Variants in ITGA9 observed in about 807,000 individuals in gnomAD.
The protein encoded by ITGA9 is integrin alpha-9.
A neutral mutation model predicts 127.8 loss-of-function variants in ITGA9; 56 were observed. That is an observed-to-expected ratio of 0.44 (90% CI 0.35 to 0.55). The LOEUF (loss-of-function observed/expected upper bound fraction) is 0.55, where lower values mean the gene tolerates loss of function less well. ITGA9 is among the 20% of genes least tolerant of loss of function. ITGA9 has a pLI of 0.00. For missense variants in ITGA9, 1,196 were observed against 1,347.1 expected, an observed-to-expected ratio of 0.89 and a Z score of 1.76; for synonymous variants, 508 against 514.5, an observed-to-expected ratio of 0.99 and a Z score of 0.17.
intron 15 of ITGA9, among the ~76,000 whole-genome samples, chr3:37,605,241 G>C (rs1203757452): frequency 2.6e-5 from 4 of 152,094 alleles, no homozygotes; most frequent in Non-Finnish European, 5.9e-5. Context: ...GAGGATGAGC[G>C]GGGAGAGTGG....
At chr3:37,500,468 T>C (rs1400145482) in intron 5 of ITGA9, among the ~76,000 whole-genome samples, 2 of 152,190 alleles carry the variant, frequency 1.3e-5, no homozygotes, top group East Asian at 3.8e-4. Context: ...TCTAGTGGCT[T>C]TTCTTCCATC....
intron 18 of ITGA9, among the ~76,000 whole-genome samples, chr3:37,730,071 T>G (rs1422570670): frequency 6.6e-6 from 1 of 152,206 alleles, no homozygotes; most frequent in Non-Finnish European, 1.5e-5. Flanking sequence ...TGAAAGGAAT[T>G]CCCAGTGAGG....
intron 15 of ITGA9, among the ~76,000 whole-genome samples, chr3:37,549,085 TCA>T (rs1699355225): frequency 6.6e-6 from 1 of 152,208 alleles, no homozygotes; most frequent in Non-Finnish European, 1.5e-5. Context: ...ACGCTGGAAG[TCA>T]GCTCACTGAG....
intron 18 of ITGA9, among the ~76,000 whole-genome samples, chr3:37,684,431 G>A (rs916965522): frequency 6.6e-6 from 1 of 152,166 alleles, no homozygotes; most frequent in East Asian, 1.9e-4. Flanking sequence ...TGATGTACTT[G>A]ATGTTTCTAG....
intron 9 of ITGA9, among the ~76,000 whole-genome samples, chr3:37,515,830 A>T (rs1221745682): frequency 6.6e-6 from 1 of 152,172 alleles, no homozygotes; most frequent in Non-Finnish European, 1.5e-5. Context: ...TTGAGGTGGT[A>T]GTGAGCTATG....
At chr3:37,770,228 T>A (rs1327692724) in intron 23 of ITGA9, among the ~76,000 whole-genome samples, 1 of 152,240 alleles carries the variant, frequency 6.6e-6, no homozygotes, top group Non-Finnish European at 1.5e-5. Flanking sequence ...GGATTCAGCA[T>A]ATGCCGTTCT....
At chr3:37,738,340 A>G (rs971839006) in intron 20 of ITGA9, among the ~76,000 whole-genome samples, 1 of 152,222 alleles carries the variant, frequency 6.6e-6, no homozygotes, top group South Asian at 2.1e-4. Context: ...GAGGCTGTCC[A>G]TGGGGCAAGA....
chr3:37,549,429 T>G (rs1699359245), intron 15 of ITGA9, among the ~76,000 whole-genome samples: 1 of 152,224 alleles, frequency 6.6e-6, no homozygotes, highest in Admixed American at 6.5e-5. Flanking sequence ...ACTTCAGTGG[T>G]TATCGTAAGC....
At chr3:37,817,513 G>A (rs1697450175) in intron 27 of ITGA9, among the ~76,000 whole-genome samples, 1 of 152,200 alleles carries the variant, frequency 6.6e-6, no homozygotes, top group Admixed American at 6.5e-5. Context: ...ACCTCTGCAG[G>A]CAAGCTCCAT....
Position 37,452,543 on chromosome 3 carries a change from C to T in ITGA9, c.169C>T (p.His57Tyr), listed in dbSNP as rs960363535. Residue 57 changes from histidine (H) to tyrosine (Y), a missense_variant, in exon 1 of 28, where the codon CAC becomes TAC. Physicochemically the swap from His to Tyr is moderately conservative, Grantham distance 83. Coordinates refer to ENST00000264741, the MANE Select transcript of ITGA9 (RefSeq NM_002207.3). This position sits in a 1 kb window ranked among gnomAD's most constrained non-coding sequence, Gnocchi z 7.3. ...FFGYAVLEHF[H>Y]DNTRWVLVGA... ...CGGCTACGCAGTTCTGGAGCATTTCCACGACAACACGCGCTGGTGAGTGCC... is the reference window on the plus strand; with the variant it reads ...CGGCTACGCAGTTCTGGAGCATTTCTACGACAACACGCGCTGGTGAGTGCC... The T allele has an allele frequency of 3.3e-6, 5 of 1,524,202 alleles. No homozygotes were observed. The African/African-American group carries it at 7.2e-5, about 22-fold the overall frequency. The allele number at this position is 1,524,202 out of a possible 1,614,324, so 94.4% of individuals were successfully genotyped here.
chr3:37,617,218 A>G (rs1367901371), intron 15 of ITGA9, among the ~76,000 whole-genome samples: 1 of 152,142 alleles, frequency 6.6e-6, no homozygotes, highest in African/African-American at 2.4e-5. Context: ...TCCTTCACTT[A>G]TGAAGCTTAG....
intron 26 of ITGA9, among the ~76,000 whole-genome samples, chr3:37,791,131 A>T (rs1446401781): frequency 2.0e-5 from 3 of 152,154 alleles, no homozygotes; most frequent in Non-Finnish European, 2.9e-5. Context: ...GGCCCACAGA[A>T]GAGGAAAGGA....
intron 23 of ITGA9, among the ~76,000 whole-genome samples, chr3:37,752,507 G>A (rs183547745): frequency 6.6e-6 from 1 of 152,272 alleles, no homozygotes; most frequent in Admixed American, 6.5e-5. Context: ...TGGAGGGAAG[G>A]CTCATCTGTC....
At chr3:37,565,768 A>C (rs941454058) in intron 15 of ITGA9, among the ~76,000 whole-genome samples, 1 of 152,178 alleles carries the variant, frequency 6.6e-6, no homozygotes. Context: ...TGTACCTCTG[A>C]GGTGGACCTT....
chr3:37,648,823 G>A lies in ITGA9; in HGVS notation c.1840-4891G>A, dbSNP rs1402167071. On this transcript the variant is annotated intron_variant, in intron 16 of 27. Coordinates refer to ENST00000264741, the MANE Select transcript of ITGA9 (RefSeq NM_002207.3). ...TTACTATAAAGGTGATGAGTAAATA[G>A]CTTTTATGTCTATGAAGAAAGTTAA... Among the ~76,000 whole-genome samples, 15 of 151,820 alleles carry A rather than the reference G, an allele frequency of 9.9e-5. 1 individual carries two copies. Among genetic ancestry groups the A allele is most frequent in the Admixed American group, 6.6e-4 (10 of 15,220 alleles).
rs894168544 is a variant in ITGA9, at chr3:37,821,333, T to G, written c.*2344T>G. 6.6e-6 allele frequency: 1 copy of G among 152,230 alleles called. No homozygotes were observed. The highest frequency in any genetic ancestry group is 1.5e-5 in the Non-Finnish European group (1 of 68,062). The allele number at this position is 152,230 out of a possible 1,614,324, so 9.4% of individuals were successfully genotyped here. Reference sequence around the variant, plus strand: ...TTTATCACTTATTAACAGCCATTTATGAGGCCCCTGCTGTGTGTCAGGCAC... The same window carrying G: ...TTTATCACTTATTAACAGCCATTTAGGAGGCCCCTGCTGTGTGTCAGGCAC... On this transcript the variant is annotated 3_prime_UTR_variant, in exon 28 of 28. Transcript: ENST00000264741.
In ITGA9 at chr3:37,502,285, G is replaced by T. The variant is rs573956467; in HGVS notation, c.613-893G>T. 2.6e-3 allele frequency among the ~76,000 whole-genome samples: 386 copies of T among 149,546 alleles called. 1 individual carries two copies. Among genetic ancestry groups the T allele is most frequent in the African/African-American group, 8.8e-3 (358 of 40,516 alleles). ...GCTGGAATGCAGTGGCATGGTCTTG[G>T]CTCACTGAGACCTCTGCGTCCCGGG... is the stretch of plus-strand genomic sequence containing the variant. On this transcript the variant is annotated intron_variant, in intron 5 of 27. Coordinates refer to ENST00000264741, the MANE Select transcript of ITGA9 (RefSeq NM_002207.3).
chr3:37,617,234 C>G (rs1446124986), intron 15 of ITGA9, among the ~76,000 whole-genome samples: 1 of 152,126 alleles, frequency 6.6e-6, no homozygotes, highest in African/African-American at 2.4e-5. Context: ...CTTAGTTTGG[C>G]TGGATATGAA....
At position 37,685,442 on chromosome 3, in the gene ITGA9, G is replaced by A. The variant is rs572033298; in HGVS notation, c.2067+1427G>A. Among the ~76,000 whole-genome samples the A allele has an allele frequency of 5.9e-5, 9 of 152,280 alleles. No individual in the cohort carries two copies. In the South Asian group the frequency reaches 8.3e-4, roughly 14 times the overall value. On this transcript the variant is annotated intron_variant, in intron 18 of 27. Coordinates refer to ENST00000264741, the MANE Select transcript of ITGA9 (RefSeq NM_002207.3). ...CACTTTCTATATTCTAAAAATTACC[G>A]CTGGATTAAGCCCAGTCAAGAGAGA...
Sources: allele counts gnomAD v4.1 joint callset (sites outside exome capture counted in the v4.1 genomes callset), GRCh38; gene constraint gnomAD v4.1.1; non-coding constraint Gnocchi (gnomAD v3.1); transcripts MANE v1.5; gene names NCBI Gene and HGNC (gene_info 2026-07-23, HGNC 2026-07-21).